METTL25B: variants seen among roughly 807,000 people sequenced by gnomAD.
The protein encoded by METTL25B is methyltransferase-like protein 25B.
A neutral mutation model predicts 48.4 loss-of-function variants in METTL25B; 38 were observed. The ratio of observed to expected loss-of-function variants is 0.78; its 90% CI spans 0.61 to 1.03. The LOEUF (loss-of-function observed/expected upper bound fraction) is 1.03, where lower values mean the gene tolerates loss of function less well. Ranked by LOEUF, METTL25B falls within the 50% of genes least tolerant of loss-of-function variation. METTL25B has a pLI of 0.00. For missense variants in METTL25B, 537 were observed against 603.7 expected (o/e 0.89, Z 1.16); for synonymous variants, 230 against 254.5 (o/e 0.90, Z 0.92).
intron 7 of METTL25B, chr1:156,736,303 T>C (rs1247957191): frequency 3.8e-6 from 1 of 261,718 alleles, no homozygotes; most frequent in Non-Finnish European, 7.3e-6. Context: ...GAGGTTGCAG[T>C]GAGCCGAGAC....
rs775087790 is a variant in METTL25B, at chr1:156,734,354, C to T, written c.982C>T (p.Arg328Trp). Residue 328 changes from arginine (R) to tryptophan (W), a missense_variant, in exon 6 of 8, where the codon CGG becomes TGG. Arg to Trp is a moderately radical substitution (Grantham distance 101, BLOSUM62 -3). Transcript: ENST00000368216. ...CCATGCCCTGGAGGAATATGCTGAG[C>T]GGCTACAGAAAGCTGGCCCTGGCCT... ...ACHALEEYAE[R>W]LQKAGPGLRT... is the part of the protein sequence containing the mutation. The T allele has an allele frequency of 1.1e-5, 18 of 1,613,942 alleles. No individual in the cohort carries two copies. Among genetic ancestry groups the T allele is most frequent in the Non-Finnish European group, 1.2e-5 (14 of 1,179,976 alleles).
In METTL25B at chr1:156,732,455, G is replaced by C. The variant is rs1303336656; in HGVS notation, c.411G>C (p.Glu137Asp). 6.2e-7 allele frequency: 1 copy of C among 1,613,788 alleles called. No homozygotes were observed. Among genetic ancestry groups the C allele is most frequent in the East Asian group, 2.2e-5 (1 of 44,890 alleles). Residue 137 changes from glutamate (E) to aspartate (D), a missense_variant, in exon 3 of 8, where the codon GAG becomes GAC. Coordinates refer to ENST00000368216, the MANE Select transcript of METTL25B (RefSeq NM_015997.4). ...RKHVRPKKQH[E>D]IRRLGELVKK... is the part of the protein sequence containing the mutation. ...ATGTCAGGCCCAAGAAGCAGCATGA[G>C]ATCCGGAGGCTGGGAGAGGTGAGGA...
chr1:156,735,632 A>G, intron 6 of METTL25B, 93 bp from the exon 7 acceptor site: 1 of 919,974 alleles, frequency 1.1e-6, no homozygotes, highest in Non-Finnish European at 1.5e-6. Context: ...AAAATAAAGC[A>G]AAGTTGGAAC....
rs1285168719 is a variant in METTL25B, at chr1:156,734,187, C to T, written c.815C>T (p.Ser272Phe). Residue 272 changes from serine (S) to phenylalanine (F), a missense_variant, in exon 6 of 8, where the codon TCC becomes TTC. By Grantham distance (155) the Ser-to-Phe change is radical. Transcript: ENST00000368216. ...DLSVALLRHF[S>F]CCPEVVALAS... ...AGTGTTGCCTTGCTGAGACACTTCT[C>T]CTGCTGTCCTGAGGTGGTGGCCCTG... 1.2e-6 allele frequency: 2 copies of T among 1,614,194 alleles called. No homozygotes were observed. The highest frequency in any genetic ancestry group is 2.2e-5 in the East Asian group (1 of 44,882).
intron 6 of METTL25B, among the ~76,000 whole-genome samples, chr1:156,735,184 G>C (rs1237817443): frequency 6.6e-6 from 1 of 151,714 alleles, no homozygotes; most frequent in Non-Finnish European, 1.5e-5. Flanking sequence ...AGCTACTCCG[G>C]AGGCTGAGGC....
At position 156,728,765 on chromosome 1, in the gene METTL25B, G is replaced by A. The variant is rs1437511072; in HGVS notation, c.-340G>A. The A allele has an allele frequency of 1.9e-5, 20 of 1,048,982 alleles. No homozygotes were observed. Among genetic ancestry groups the A allele is most frequent in the Non-Finnish European group, 2.3e-5 (20 of 867,476 alleles). The allele number at this position is 1,048,982 out of a possible 1,614,324, so 65.0% of individuals were successfully genotyped here. On this transcript the variant is annotated 5_prime_UTR_variant, in exon 1 of 8. Transcript: ENST00000368216. ...TTCACTTCCGTAAGAGGAGAGGAGT[G>A]TACGGCAAGGGGCGGGAACTGGAAC...
chr1:156,735,243 C>T (rs1024978942), intron 6 of METTL25B, among the ~76,000 whole-genome samples: 27 of 151,056 alleles, frequency 1.8e-4, no homozygotes, highest in South Asian at 4.2e-4. Flanking sequence ...GAACTGAGAT[C>T]GCGCCACTGT....
In METTL25B at chr1:156,732,481, G is replaced by C; in HGVS notation, c.429+8G>C. 1 of 1,612,238 alleles carries C rather than the reference G, an allele frequency of 6.2e-7. No individual in the cohort carries two copies. Among genetic ancestry groups the C allele is most frequent in the South Asian group, 1.1e-5 (1 of 91,074 alleles). On this transcript the variant is annotated splice_region_variant and intron_variant, in intron 3 of 7. Transcript: ENST00000368216. ...ATCCGGAGGCTGGGAGAGGTGAGGAGATGGCTGGAGCATGGGTGGTGTCTG... is the reference window on the plus strand; with the variant it reads ...ATCCGGAGGCTGGGAGAGGTGAGGACATGGCTGGAGCATGGGTGGTGTCTG...
At chr1:156,733,700 C>G (rs1448641254) in intron 5 of METTL25B, 180 bp downstream of exon 5, 1 of 712,388 alleles carries the variant, frequency 1.4e-6, no homozygotes, top group African/African-American at 1.8e-5. Flanking sequence ...CTCAAAGTTA[C>G]TTTCTATTTA....
intron 6 of METTL25B, 95 bp downstream of exon 6, chr1:156,734,588 G>T: frequency 7.4e-7 from 1 of 1,342,752 alleles, no homozygotes; most frequent in East Asian, 2.5e-5. Flanking sequence ...CTGGAGTGCA[G>T]TGGAGCGATC....
Position 156,728,569 on chromosome 1 carries a change from C to G in METTL25B, c.-536C>G. ...ACCGCCCCGACCCCAGGTAGTGAGG[C>G]CAGTGATTCCGAGTGTGTGAGGAGC... On this transcript the variant is annotated 5_prime_UTR_variant, in exon 1 of 8. Transcript: ENST00000368216. The G allele has an allele frequency of 4.1e-6, 4 of 985,704 alleles. No individual in the cohort carries two copies. Among genetic ancestry groups the G allele is most frequent in the Non-Finnish European group, 4.8e-6 (4 of 829,950 alleles). The allele number at this position is 985,704 out of a possible 1,614,324, so 61.1% of individuals were successfully genotyped here. A position where few individuals can be genotyped will look rare whatever the true frequency, so the allele number is the denominator to read the frequency against.
chr1:156,730,638 A>G (rs908634831), intron 1 of METTL25B, among the ~76,000 whole-genome samples: 2 of 152,018 alleles, frequency 1.3e-5, no homozygotes, highest in Non-Finnish European at 2.9e-5. Context: ...AGGCTGAGGC[A>G]GGAGAATTGC....
At chr1:156,734,544 T>A (rs1649580188) in intron 6 of METTL25B, 51 bp downstream of exon 6, 1 of 1,466,668 alleles carries the variant, frequency 6.8e-7, no homozygotes. Flanking sequence ...TTCTTTTTTT[T>A]TTTTTGAGAT....
rs1649833777 is a variant in METTL25B at position 156,736,652 on chromosome 1, C to T, written c.1327C>T (p.Pro443Ser). The T allele has an allele frequency of 6.2e-7, 1 of 1,613,888 alleles. No homozygotes were observed. Among genetic ancestry groups the T allele is most frequent in the African/African-American group, 1.3e-5 (1 of 74,928 alleles). The change falls in exon 8 of 8, where the codon CCC (proline) becomes TCC (serine). Residue 443 changes from proline to serine, a missense_variant. Physicochemically the swap from Pro to Ser is moderately conservative, Grantham distance 74. Transcript: ENST00000368216. ...QEQGFHAELL[P>S]IFSPELSPRN... ...CCCAGGTTTCCATGCTGAGCTCCTG[C>T]CCATCTTCAGTCCTGAACTCTCTCC...
rs747898290 is a variant in METTL25B at position 156,732,469 on chromosome 1, G to T, written c.425G>T (p.Gly142Val). 11 of 1,612,974 alleles carry T rather than the reference G, an allele frequency of 6.8e-6. No homozygotes were observed. Among genetic ancestry groups the T allele is most frequent in the Non-Finnish European group, 8.5e-6 (10 of 1,179,996 alleles). Reference protein sequence around the residue: ...PKKQHEIRRLGELVKKLSDFT... With the variant: ...PKKQHEIRRLVELVKKLSDFT... ...AAGCAGCATGAGATCCGGAGGCTGGGAGAGGTGAGGAGATGGCTGGAGCAT... is the reference window on the plus strand; with the variant it reads ...AAGCAGCATGAGATCCGGAGGCTGGTAGAGGTGAGGAGATGGCTGGAGCAT... Residue 142 changes from glycine (G) to valine (V), a missense_variant, in exon 3 of 8, where the codon GGA becomes GTA. Physicochemically the swap from Gly to Val is moderately radical, Grantham distance 109. Coordinates refer to ENST00000368216, the MANE Select transcript of METTL25B (RefSeq NM_015997.4).
At chr1:156,730,887 A>G (rs899869372) in intron 1 of METTL25B, among the ~76,000 whole-genome samples, 14 of 152,368 alleles carry the variant, frequency 9.2e-5, no homozygotes, top group African/African-American at 3.4e-4. Flanking sequence ...GCATTAATAC[A>G]TGTCAAATGT....
chr1:156,733,304 A>G, intron 4 of METTL25B, 73 bp from the exon 5 acceptor site: 2 of 1,540,788 alleles, frequency 1.3e-6, no homozygotes, highest in Non-Finnish European at 1.8e-6. Context: ...CCAGGTGTCC[A>G]GGTTACCCAT....
Position 156,732,302 on chromosome 1 carries a change from C to T in METTL25B, c.258C>T (p.Leu86=), listed in dbSNP as rs1488842813. ...TCAGGTACAGGTCAGTGTGGCCACT[C>T]ACCCTGCTGGCCCTGAAGTCCACGG... ...EVVRYRSVWP[L]TLLALKSTAC... The change falls in exon 3 of 8, where the codon CTC becomes CTT. Residue 86 remains leucine (L), a synonymous_variant. Coordinates refer to ENST00000368216, the MANE Select transcript of METTL25B (RefSeq NM_015997.4). 1 of 1,614,122 alleles carries T rather than the reference C, an allele frequency of 6.2e-7. No homozygotes were observed. Among genetic ancestry groups the T allele is most frequent in the Non-Finnish European group, 8.5e-7 (1 of 1,180,058 alleles).
At position 156,735,897 on chromosome 1, in the gene METTL25B, C is replaced by T. The variant is rs752152123; in HGVS notation, c.1294C>T (p.Leu432Phe). ...TATTCTACTGGACCGGCTGCTGTACCTTCAGGAACAGGGTGAGGGTGGCCT... is the reference window on the plus strand; with the variant it reads ...TATTCTACTGGACCGGCTGCTGTACTTTCAGGAACAGGGTGAGGGTGGCCT... Reference protein sequence around the residue: ...TLILLDRLLYLQEQGFHAELL... With the variant: ...TLILLDRLLYFQEQGFHAELL... The change falls in exon 7 of 8, where the codon CTT (leucine) becomes TTT (phenylalanine). Residue 432 changes from leucine to phenylalanine, a missense_variant. Leu to Phe is a conservative substitution (Grantham distance 22). Coordinates refer to ENST00000368216, the MANE Select transcript of METTL25B (RefSeq NM_015997.4). The T allele has an allele frequency of 1.2e-6, 2 of 1,611,120 alleles. No individual in the cohort carries two copies. Among genetic ancestry groups the T allele is most frequent in the East Asian group, 2.2e-5 (1 of 44,610 alleles).
Sources: allele counts gnomAD v4.1 joint callset (sites outside exome capture counted in the v4.1 genomes callset), GRCh38; gene constraint gnomAD v4.1.1; transcripts MANE v1.5; gene names NCBI Gene and HGNC (gene_info 2026-07-23, HGNC 2026-07-21).